ACVR1: variants seen among roughly 807,000 people sequenced by gnomAD.
The protein encoded by ACVR1 is activin A receptor type 1, also known as activin receptor type-1.
A neutral mutation model predicts 57.1 loss-of-function variants in ACVR1; 38 were observed. The ratio of observed to expected loss-of-function variants is 0.67; its 90% CI spans 0.51 to 0.87. The LOEUF is 0.87. Among genes scored for constraint, ACVR1 ranks in the 40% least tolerant of loss-of-function variants. The pLI is 0.00. For missense variants in ACVR1, 463 were observed against 638.2 expected, an observed-to-expected ratio of 0.73 and a Z score of 2.96; for synonymous variants, 212 against 228.1, an observed-to-expected ratio of 0.93 and a Z score of 0.63.
intron 2 of ACVR1, among the ~76,000 whole-genome samples, chr2:157,800,461 C>A (rs796964832): frequency 6.7e-6 from 1 of 148,702 alleles, no homozygotes; most frequent in Non-Finnish European, 1.5e-5. Context: ...GACCCCATCT[C>A]TATTTGTTTT....
In ACVR1 at chr2:157,746,007, A is replaced by G. The variant is rs114987028; in HGVS notation, c.1265-7437T>C. On this transcript the variant is annotated intron_variant, in intron 9 of 10. Coordinates refer to ENST00000434821, the MANE Select transcript of ACVR1 (RefSeq NM_001111067.4). ...CTTGGTCAGCAAGGATTTTTCTACA[A>G]GATACAAATGGTTTTTGACACATTT... Among the ~76,000 whole-genome samples, 671 of 152,346 alleles carry G rather than the reference A, an allele frequency of 4.4e-3. 5 individuals are homozygous for G. The highest frequency in any genetic ancestry group is 0.015 in the African/African-American group (640 of 41,574).
chr2:157,823,618 C>T (rs775034528), intron 1 of ACVR1, among the ~76,000 whole-genome samples: 33 of 152,112 alleles, frequency 2.2e-4, no homozygotes, highest in Non-Finnish European at 1.6e-4. Flanking sequence ...ATTAGAGCAC[C>T]TTTCTCCTCC....
At chr2:157,757,669 T>C (rs552316926) in intron 9 of ACVR1, among the ~76,000 whole-genome samples, 1 of 151,790 alleles carries the variant, frequency 6.6e-6, no homozygotes, top group South Asian at 2.1e-4. Context: ...CCTTTCCAAA[T>C]GAAGGAAAAA....
chr2:157,843,376 A>G (rs892748442), intron 1 of ACVR1, among the ~76,000 whole-genome samples: 3 of 152,238 alleles, frequency 2.0e-5, no homozygotes, highest in African/African-American at 7.2e-5. Context: ...GAGTAATAAT[A>G]GCAGCCACAG....
At chr2:157,803,672 G>A (rs951319497) in intron 2 of ACVR1, among the ~76,000 whole-genome samples, 1 of 152,078 alleles carries the variant, frequency 6.6e-6, no homozygotes, top group Non-Finnish European at 1.5e-5. Flanking sequence ...TATGTAAGTT[G>A]GCAAGAAAGA....
At chr2:157,812,737 C>T (rs1214300015) in intron 2 of ACVR1, among the ~76,000 whole-genome samples, 2 of 152,132 alleles carry the variant, frequency 1.3e-5, no homozygotes, top group African/African-American at 4.8e-5. Context: ...ATCAACTCTT[C>T]CTTATCTTCA....
rs888680815 is a variant in ACVR1, at chr2:157,762,976, T to G, written c.1067-1899A>C. On this transcript the variant is annotated intron_variant, in intron 8 of 10. Transcript: ENST00000434821. ...GCTAAGTCATTCCAAGATTCCTGAC[T>G]CTCAAGAGACTGTGTGAGATAACAA... 7.9e-5 allele frequency among the ~76,000 whole-genome samples: 12 copies of G among 152,182 alleles called. 1 individual carries two copies. Among genetic ancestry groups the G allele is most frequent in the Admixed American group, 7.9e-4 (12 of 15,284 alleles).
chr2:157,744,925 C>T (rs1167887156), intron 9 of ACVR1, among the ~76,000 whole-genome samples: 3 of 152,162 alleles, frequency 2.0e-5, no homozygotes, highest in African/African-American at 7.2e-5. Flanking sequence ...GGCACTTCTT[C>T]CTGAAAACAG....
chr2:157,739,639 GA>G (rs1429626385), intron 9 of ACVR1, among the ~76,000 whole-genome samples: 1 of 152,146 alleles, frequency 6.6e-6, no homozygotes, highest in African/African-American at 2.4e-5. Flanking sequence ...GGAGTGTGAG[GA>G]AAGTTGTAAT....
At chr2:157,820,078 A>T (rs1052304480) in intron 1 of ACVR1, among the ~76,000 whole-genome samples, 3 of 152,234 alleles carry the variant, frequency 2.0e-5, no homozygotes, top group Admixed American at 6.5e-5. Flanking sequence ...TGTTTTACAG[A>T]TACTATCAAA....
Position 157,770,361 on chromosome 2 carries a change from T to C in ACVR1, c.790+7A>G. 6.2e-7 allele frequency: 1 copy of C among 1,614,016 alleles called. No individual in the cohort carries two copies. Reference sequence around the variant, plus strand: ...ACAATTAATGAGGGGGTTATCCTTGTACTTACCTAAGATATTTTCATGCCT... The same window carrying C: ...ACAATTAATGAGGGGGTTATCCTTGCACTTACCTAAGATATTTTCATGCCT... On this transcript the variant is annotated splice_region_variant and intron_variant, in intron 7 of 10. Transcript: ENST00000434821.
Position 157,875,852 on chromosome 2 carries a change from G to C in ACVR1, c.-239C>G, listed in dbSNP as rs1690271702. 1 of 148,990 alleles carries C rather than the reference G, an allele frequency of 6.7e-6. No homozygotes were observed. Among genetic ancestry groups the C allele is most frequent in the African/African-American group, 2.4e-5 (1 of 40,858 alleles). 9.2% of individuals were successfully genotyped at this position (148,990 alleles called of 1,614,324 possible). A position where few individuals can be genotyped will look rare whatever the true frequency, so the allele number is the denominator to read the frequency against. ...GGGGGAGGCGGAGTGCGAGGCAGCC[G>C]GGCGCTGCAGGTCGGCGCGGCGCGG... On this transcript the variant is annotated 5_prime_UTR_variant, in exon 1 of 11. Transcript: ENST00000434821.
intron 6 of ACVR1, among the ~76,000 whole-genome samples, chr2:157,772,803 T>C (rs1416132127): frequency 6.6e-6 from 1 of 152,196 alleles, no homozygotes; most frequent in African/African-American, 2.4e-5. Context: ...ATTTTCTCCA[T>C]TCACAATCTG....
chr2:157,845,951 T>C (rs762692113), intron 1 of ACVR1, among the ~76,000 whole-genome samples: 2 of 152,320 alleles, frequency 1.3e-5, no homozygotes, highest in East Asian at 1.9e-4. Flanking sequence ...AGGAAATATA[T>C]AGCAGACCTT....
At chr2:157,861,145 G>A (rs537559009) in intron 1 of ACVR1, among the ~76,000 whole-genome samples, 19 of 152,294 alleles carry the variant, frequency 1.2e-4, no homozygotes, top group Admixed American at 6.5e-4. Context: ...AAACAGAACT[G>A]TACATCCCAA....
intron 6 of ACVR1, among the ~76,000 whole-genome samples, chr2:157,772,111 A>G (rs1242468206): frequency 6.6e-6 from 1 of 152,210 alleles, no homozygotes; most frequent in Non-Finnish European, 1.5e-5. Flanking sequence ...ACAGAAGATG[A>G]ATGTCGAGGT....
intron 1 of ACVR1, among the ~76,000 whole-genome samples, chr2:157,859,294 G>T (rs1034760700): frequency 1.3e-5 from 2 of 152,204 alleles, no homozygotes; most frequent in Non-Finnish European, 2.9e-5. Flanking sequence ...CCAGCGCCAT[G>T]ACAGTTTACA....
intron 1 of ACVR1, among the ~76,000 whole-genome samples, chr2:157,867,817 G>A (rs1410202429): frequency 6.6e-6 from 1 of 152,134 alleles, no homozygotes; most frequent in African/African-American, 2.4e-5. Context: ...CTGAGTTAAA[G>A]TTCAGATGTG....
At chr2:157,796,481 G>A (rs1407192153) in intron 3 of ACVR1, among the ~76,000 whole-genome samples, 1 of 152,060 alleles carries the variant, frequency 6.6e-6, no homozygotes, top group Admixed American at 6.6e-5. Context: ...TTGAGCCTGG[G>A]AGGAGAAGGT....
Sources: gnomAD v4.1 joint callset for allele counts (sites outside exome capture counted in the v4.1 genomes callset) on GRCh38, gnomAD v4.1.1 for gene constraint, MANE v1.5 for transcripts, NCBI Gene and HGNC (gene_info 2026-07-23, HGNC 2026-07-21) for gene names.